Variants in XXYLT1 observed in about 807,000 individuals in gnomAD.
XXYLT1 encodes xyloside xylosyltransferase 1.
A neutral mutation model predicts 28.9 loss-of-function variants in XXYLT1; 20 were observed. That is an observed-to-expected ratio of 0.69 (90% CI 0.49 to 1.00). The LOEUF is 1.00. Ranked by LOEUF, XXYLT1 falls within the 50% of genes least tolerant of loss-of-function variation. XXYLT1 has a pLI of 0.00. For missense variants in XXYLT1, 542 were observed against 560.1 expected, an observed-to-expected ratio of 0.97 and a Z score of 0.33; for synonymous variants, 257 against 253.8, an observed-to-expected ratio of 1.01 and a Z score of -0.12.
chr3:195,079,606 A>G (rs1304066080), intron 3 of XXYLT1, among the ~76,000 whole-genome samples: 1 of 152,146 alleles, frequency 6.6e-6, no homozygotes, highest in Non-Finnish European at 1.5e-5. Context: ...TGAGGCAGAG[A>G]GCTCTAAAAC....
At chr3:195,199,765 C>T (rs1015158269) in intron 2 of XXYLT1, among the ~76,000 whole-genome samples, 2 of 152,208 alleles carry the variant, frequency 1.3e-5, no homozygotes, top group Non-Finnish European at 1.5e-5. Flanking sequence ...TCCCCAGCCT[C>T]GCAGTGCACT....
chr3:195,201,035 G>A (rs1328312062), intron 2 of XXYLT1, among the ~76,000 whole-genome samples: 1 of 152,146 alleles, frequency 6.6e-6, no homozygotes, highest in East Asian at 1.9e-4. Flanking sequence ...TATTTTTACT[G>A]TATATAAATT....
chr3:195,094,260 C>T (rs1360213323), intron 3 of XXYLT1: 1 of 153,040 alleles, frequency 6.5e-6, no homozygotes, highest in Non-Finnish European at 1.5e-5. Context: ...CCCCACGCCC[C>T]ACTGCCTGTC....
At chr3:195,137,423 G>C (rs999784582) in intron 3 of XXYLT1, among the ~76,000 whole-genome samples, 7 of 152,152 alleles carry the variant, frequency 4.6e-5, no homozygotes, top group Admixed American at 3.9e-4. Context: ...CTGCACCATG[G>C]ATAAGAGCAC....
At chr3:195,094,986 C>T (rs909815503) in intron 3 of XXYLT1, among the ~76,000 whole-genome samples, 7 of 152,144 alleles carry the variant, frequency 4.6e-5, no homozygotes, top group Non-Finnish European at 7.4e-5. Flanking sequence ...CCTTACTGTG[C>T]GGGGGAAATG....
At chr3:195,105,042 G>A (rs1717010254) in intron 3 of XXYLT1, among the ~76,000 whole-genome samples, 1 of 152,222 alleles carries the variant, frequency 6.6e-6, no homozygotes, top group Admixed American at 6.5e-5. Flanking sequence ...ATAGTGGTGT[G>A]GCTGCGCCGC....
chr3:195,190,672 G>A (rs1328781214), intron 2 of XXYLT1, among the ~76,000 whole-genome samples: 1 of 151,872 alleles, frequency 6.6e-6, no homozygotes, highest in African/African-American at 2.4e-5. Flanking sequence ...AAAAAGATGT[G>A]TAAGTTTGGA....
intron 3 of XXYLT1, among the ~76,000 whole-genome samples, chr3:195,108,102 CAG>C (rs1480506449): frequency 1.3e-5 from 2 of 152,210 alleles, no homozygotes; most frequent in Non-Finnish European, 2.9e-5. Flanking sequence ...TTTCATCTTA[CAG>C]AGAGACCTAG....
In XXYLT1 at chr3:195,270,581, G is replaced by A. The variant is rs758099214; in HGVS notation, c.478C>T (p.Pro160Ser). 4.3e-6 allele frequency: 6 copies of A among 1,385,554 alleles called. No homozygotes were observed. Among genetic ancestry groups the A allele is most frequent in the African/African-American group, 1.5e-5 (1 of 65,960 alleles). 85.8% of individuals were successfully genotyped at this position (1,385,554 alleles called of 1,614,324 possible). A position where few individuals can be genotyped will look rare whatever the true frequency, so the allele number is the denominator to read the frequency against. Residue 160 changes from proline (P) to serine (S), a missense_variant, in exon 1 of 4, where the codon CCG becomes TCG. Transcript: ENST00000310380. Reference sequence around the variant, plus strand: ...TTGCACTTGAAGCCAGCGGCGGGCGGCAGGAGCTCCCGCAGCAGGCCCTTG... The same window carrying A: ...TTGCACTTGAAGCCAGCGGCGGGCGACAGGAGCTCCCGCAGCAGGCCCTTG... ...VAKGLLRELL[P>S]PAAGFKCKVI...
At chr3:195,197,769 T>A (rs1277168745) in intron 2 of XXYLT1, among the ~76,000 whole-genome samples, 2 of 152,218 alleles carry the variant, frequency 1.3e-5, no homozygotes, top group African/African-American at 4.8e-5. Context: ...CTAGTCCTCA[T>A]CCTACTGACC....
intron 3 of XXYLT1, among the ~76,000 whole-genome samples, chr3:195,134,321 C>T (rs1040032120): frequency 3.3e-5 from 5 of 152,202 alleles, no homozygotes; most frequent in South Asian, 2.1e-4. Flanking sequence ...CACCCACTGA[C>T]GCACCCGGAG....
rs554876727 is a variant in XXYLT1, at chr3:195,143,885, T to G, written c.785+12564A>C. Among the ~76,000 whole-genome samples the G allele has an allele frequency of 2.3e-3, 306 of 130,960 alleles. 37 individuals carry two copies. The highest frequency in any genetic ancestry group is 6.0e-3 in the African/African-American group (209 of 34,792). The allele number at this position is 130,960 out of a possible 152,430, so 85.9% of individuals were successfully genotyped here. On this transcript the variant is annotated intron_variant, in intron 3 of 3. Transcript: ENST00000310380. The stretch of plus-strand genomic sequence containing the variant: ...ATATAGATATAGATATATATATATA[T>G]ATATTTATTTTTTATTTTTATTTTT...
chr3:195,236,636 C>T (rs1486156752), intron 1 of XXYLT1, among the ~76,000 whole-genome samples: 1 of 150,906 alleles, frequency 6.6e-6, no homozygotes, highest in East Asian at 2.0e-4. Context: ...CTTTATTCTT[C>T]CCTCTCCTTT....
intron 3 of XXYLT1, among the ~76,000 whole-genome samples, chr3:195,110,828 G>A (rs550026216): frequency 2.7e-5 from 3 of 110,470 alleles, no homozygotes; most frequent in Admixed American, 9.4e-5. Context: ...GTGTATAAGT[G>A]TGTGTGTGGT....
chr3:195,112,432 ACACACGCACGCACACC>A (rs1717777970), intron 3 of XXYLT1, among the ~76,000 whole-genome samples: 16 of 109,138 alleles, frequency 1.5e-4, no homozygotes, highest in Admixed American at 3.7e-4. Context: ...ACACATGCAC[ACACACGCACGCACACC>A]CACACGCATG....
chr3:195,267,847 A>T (rs1725891493), intron 1 of XXYLT1, among the ~76,000 whole-genome samples: 1 of 152,228 alleles, frequency 6.6e-6, no homozygotes, highest in Non-Finnish European at 1.5e-5. Context: ...AAGGCATGTG[A>T]CATATGTTCT....
At chr3:195,245,996 C>A (rs548604037) in intron 1 of XXYLT1, among the ~76,000 whole-genome samples, 3 of 152,304 alleles carry the variant, frequency 2.0e-5, no homozygotes, top group African/African-American at 4.8e-5. Flanking sequence ...ATTACACAAT[C>A]TCGGATATCT....
Position 195,252,715 on chromosome 3 carries a change from C to CAGAGAGAG in XXYLT1, c.504+17839_504+17840insCTCTCTCT, listed in dbSNP as rs1345883267. 6.8e-4 allele frequency among the ~76,000 whole-genome samples: 97 copies of CAGAGAGAG among 141,766 alleles called. 1 individual carries two copies. Among genetic ancestry groups the CAGAGAGAG allele is most frequent in the African/African-American group, 2.7e-3 (90 of 33,138 alleles). The allele number at this position is 141,766 out of a possible 152,430, so 93.0% of individuals were successfully genotyped here. On this transcript the variant is annotated intron_variant, in intron 1 of 3. Transcript: ENST00000310380. Reference sequence around the variant, plus strand: ...AACCACACACACACACACACACACACACACACACACACAGAGAGAGAGAGA... The same window carrying CAGAGAGAG: ...AACCACACACACACACACACACACACAGAGAGAGACACACACACACAGAGAGAGAGAGA...
rs1184023009 is a variant in XXYLT1, at chr3:195,110,127, T to G, written c.786-40016A>C. 3.4e-4 allele frequency among the ~76,000 whole-genome samples: 17 copies of G among 49,498 alleles called. 6 individuals carry two copies. The highest frequency in any genetic ancestry group is 1.1e-3 in the African/African-American group (14 of 13,256). 32.5% of individuals were successfully genotyped at this position (49,498 alleles called of 152,430 possible). ...GGTGTATGTGTGCATGTGTGGTGTG[T>G]GTGTGTGTGGTGTGTGTGGTGTCTG... On this transcript the variant is annotated intron_variant, in intron 3 of 3. Transcript: ENST00000310380.
Sources: allele counts gnomAD v4.1 joint callset (sites outside exome capture counted in the v4.1 genomes callset), GRCh38; gene constraint gnomAD v4.1.1; transcripts MANE v1.5; gene names NCBI Gene and HGNC (gene_info 2026-07-23, HGNC 2026-07-21).